The following ENTREP2 variants were observed in gnomAD, a reference collection of about 807,000 sequenced individuals.
ENTREP2 encodes endosomal transmembrane epsin interactor 2.
chr15:29,268,672 C>T, the ENTREP2 span: 1 of 961,166 alleles, frequency 1.0e-6, no homozygotes, highest in Non-Finnish European at 1.5e-6. Context: ...CCTAAAGCTA[C>T]ACACATTGAA....
chr15:29,474,064 T>C, the ENTREP2 span, among the ~76,000 whole-genome samples: 16,716 of 152,228 alleles, frequency 0.11, 1,197 homozygotes, highest in African/African-American at 0.21. Flanking sequence ...GCACAGTGCG[T>C]GCTGCCCTAC....
the ENTREP2 span, among the ~76,000 whole-genome samples, chr15:29,202,078 C>T: frequency 1.3e-5 from 2 of 152,060 alleles, no homozygotes; most frequent in Admixed American, 1.3e-4. Context: ...CCTATTATTC[C>T]CTTATTATCC....
the ENTREP2 span, among the ~76,000 whole-genome samples, chr15:29,552,477 T>C: frequency 6.6e-6 from 1 of 152,078 alleles, no homozygotes; most frequent in African/African-American, 2.4e-5. Flanking sequence ...TGTACACCTG[T>C]AGTCCCAGCT....
At chr15:29,399,984 T>C in the ENTREP2 span, among the ~76,000 whole-genome samples, 3 of 152,178 alleles carry the variant, frequency 2.0e-5, no homozygotes, top group Non-Finnish European at 1.5e-5. Context: ...AATCCACATA[T>C]AAGTGGACCT....
At chr15:29,504,541 A>G in the ENTREP2 span, among the ~76,000 whole-genome samples, 5 of 152,212 alleles carry the variant, frequency 3.3e-5, no homozygotes, top group Non-Finnish European at 5.9e-5. Flanking sequence ...CTGTAACTTG[A>G]TCTGTGATAT....
the ENTREP2 span, among the ~76,000 whole-genome samples, chr15:29,591,832 G>GAGGAGAAGAAGA: frequency 5.7e-4 from 80 of 140,206 alleles, no homozygotes; most frequent in Non-Finnish European, 8.1e-4. Context: ...CATCTCAAAA[G>GAGGAGAAGAAGA]AGAAGAAGAA....
At chr15:29,343,586 T>TC in the ENTREP2 span, among the ~76,000 whole-genome samples, 9 of 109,814 alleles carry the variant, frequency 8.2e-5, no homozygotes, top group Non-Finnish European at 1.9e-4. Flanking sequence ...CTCTCTCTCT[T>TC]TCTCTCTCTT....
chr15:29,559,340 C>T, the ENTREP2 span, among the ~76,000 whole-genome samples: 1 of 151,994 alleles, frequency 6.6e-6, no homozygotes, highest in Non-Finnish European at 1.5e-5. Flanking sequence ...GTGACTGAGC[C>T]CCCCTGGATT....
the ENTREP2 span, among the ~76,000 whole-genome samples, chr15:29,283,815 ATTTT>A: frequency 6.6e-6 from 1 of 152,052 alleles, no homozygotes; most frequent in Non-Finnish European, 1.5e-5. Flanking sequence ...AAAATGCTTG[ATTTT>A]TTTTATTGTT....
chr15:29,348,594 G>C, the ENTREP2 span, among the ~76,000 whole-genome samples: 1 of 152,174 alleles, frequency 6.6e-6, no homozygotes, highest in African/African-American at 2.4e-5. Context: ...TTACAGGAGT[G>C]ACAGGATTTG....
At chr15:29,580,521 G>A in the ENTREP2 span, among the ~76,000 whole-genome samples, 1 of 152,128 alleles carries the variant, frequency 6.6e-6, no homozygotes, top group African/African-American at 2.4e-5. Flanking sequence ...CTGGCCTATA[G>A]CGGCAGAACA....
chr15:29,522,203 C>G, the ENTREP2 span, among the ~76,000 whole-genome samples: 1 of 152,160 alleles, frequency 6.6e-6, no homozygotes, highest in African/African-American at 2.4e-5. Context: ...GGAAACAAAT[C>G]TTTATAACTC....
the ENTREP2 span, among the ~76,000 whole-genome samples, chr15:29,561,149 G>A: frequency 2.7e-5 from 4 of 150,052 alleles, no homozygotes; most frequent in South Asian, 8.5e-4. Context: ...CTGCTGGTGG[G>A]AAGGTAAGTT....
the ENTREP2 span, among the ~76,000 whole-genome samples, chr15:29,605,357 TTG>T: frequency 6.6e-6 from 1 of 152,198 alleles, no homozygotes; most frequent in African/African-American, 2.4e-5. Context: ...TTTGAATTCC[TTG>T]TGTGTCCTCC....
the ENTREP2 span, among the ~76,000 whole-genome samples, chr15:29,525,251 G>T: frequency 6.6e-6 from 1 of 152,174 alleles, no homozygotes; most frequent in Admixed American, 6.5e-5. Flanking sequence ...CTATTCCTAG[G>T]TACATACCCA....
At chr15:29,355,159 G>C in the ENTREP2 span, among the ~76,000 whole-genome samples, 17 of 152,174 alleles carry the variant, frequency 1.1e-4, no homozygotes, top group Non-Finnish European at 2.4e-4. Context: ...CCCTCCCTGT[G>C]CTGTTAAGGT....
At chr15:29,341,925 T>C in the ENTREP2 span, among the ~76,000 whole-genome samples, 1 of 152,210 alleles carries the variant, frequency 6.6e-6, no homozygotes, top group African/African-American at 2.4e-5. Flanking sequence ...TTTTCCTATA[T>C]GTGTCAAGAA....
At chr15:29,571,318 G>A in the ENTREP2 span, among the ~76,000 whole-genome samples, 6 of 152,208 alleles carry the variant, frequency 3.9e-5, no homozygotes, top group Admixed American at 1.3e-4. Context: ...CCCGATAGCG[G>A]CAGCGGGCCA....
chr15:29,158,425 A>G, the ENTREP2 span, among the ~76,000 whole-genome samples: 67,527 of 118,850 alleles, frequency 0.57, 16,990 homozygotes, highest in East Asian at 0.71. Context: ...TTTTTTTTTG[A>G]GATGTAGTCT....
Sources: gnomAD v4.1 joint callset for allele counts (sites outside exome capture counted in the v4.1 genomes callset) on GRCh38, gnomAD v4.1.1 for gene constraint, MANE v1.5 for transcripts, NCBI Gene and HGNC (gene_info 2026-07-23, HGNC 2026-07-21) for gene names.